Variants in CHM observed in about 807,000 individuals in gnomAD.
The protein encoded by CHM is CHM Rab escort protein.
Under a neutral mutation model 49.0 loss-of-function variants are expected in CHM, and 10 were observed. The observed-to-expected ratio is 0.20, with a 90% confidence interval of 0.13 to 0.35. The LOEUF (loss-of-function observed/expected upper bound fraction) is 0.35. Among genes scored for constraint, CHM ranks in the 10% least tolerant of loss-of-function variants. CHM has a pLI of 1.00. For missense variants in CHM, 455 were observed against 478.4 expected, an observed-to-expected ratio of 0.95 and a Z score of 0.46; for synonymous variants, 184 against 167.5, an observed-to-expected ratio of 1.10 and a Z score of -0.76.
chrX:85,896,573 G>A (rs1207739009), intron 11 of CHM, among the ~76,000 whole-genome samples: 2 of 109,554 alleles, frequency 1.8e-5, no homozygotes, highest in African/African-American at 6.7e-5. Context: ...ACACTCCTGG[G>A]AGATACAGAA....
intron 8 of CHM, among the ~76,000 whole-genome samples, chrX:85,934,362 G>C (rs754798972): frequency 1.0e-5 from 1 of 98,985 alleles, no homozygotes; most frequent in Non-Finnish European, 2.0e-5. Flanking sequence ...TGCCATGGTG[G>C]TGTGCTGCAT....
intron 2 of CHM, among the ~76,000 whole-genome samples, chrX:86,000,313 T>C (rs1932642842): frequency 9.4e-6 from 1 of 106,377 alleles, no homozygotes; most frequent in African/African-American, 3.4e-5. Flanking sequence ...TTCCTTACTG[T>C]AACATTCAGT....
At chrX:85,978,483 A>G (rs1308039350) in intron 4 of CHM, among the ~76,000 whole-genome samples, 1 of 111,847 alleles carries the variant, frequency 8.9e-6, no homozygotes, top group Non-Finnish European at 1.9e-5. Context: ...AAAAAATCCA[A>G]CTATTAATAC....
intron 2 of CHM, among the ~76,000 whole-genome samples, chrX:86,022,079 G>T (rs919584981): frequency 1.8e-5 from 2 of 111,868 alleles, no homozygotes; most frequent in African/African-American, 3.2e-5. Context: ...TTTCAGTTCT[G>T]CAAGATCAAA....
chrX:86,027,572 A>G lies in CHM; in HGVS notation c.50-15T>C, dbSNP rs985742134. 3.4e-6 allele frequency: 4 copies of G among 1,178,498 alleles called. No individual in the cohort carries two copies. Among genetic ancestry groups the G allele is most frequent in the African/African-American group, 1.8e-5 (1 of 56,469 alleles). On this transcript the variant is annotated splice_polypyrimidine_tract_variant and intron_variant, in intron 1 of 14. Coordinates refer to ENST00000357749, the MANE Select transcript of CHM (RefSeq NM_000390.4). ...TTCAGGCAAACCTACAAAAACACACACCCGTATCATTTAGAATGTAGAAAT... is the reference window on the plus strand; with the variant it reads ...TTCAGGCAAACCTACAAAAACACACGCCCGTATCATTTAGAATGTAGAAAT...
intron 8 of CHM, among the ~76,000 whole-genome samples, chrX:85,950,695 A>C (rs1929698517): frequency 8.9e-6 from 1 of 111,940 alleles, no homozygotes; most frequent in South Asian, 3.7e-4. Context: ...TTACAGACAG[A>C]AAAAGCACAA....
At chrX:85,925,879 C>A (rs1000230722) in intron 8 of CHM, among the ~76,000 whole-genome samples, 2 of 111,268 alleles carry the variant, frequency 1.8e-5, no homozygotes, top group Non-Finnish European at 3.8e-5. Context: ...GGGAGCCCTA[C>A]ATAACAACTC....
intron 2 of CHM, among the ~76,000 whole-genome samples, chrX:86,007,331 A>G (rs1489879748): frequency 4.5e-5 from 5 of 112,161 alleles, no homozygotes; most frequent in Non-Finnish European, 9.4e-5. Context: ...AGGCAATACC[A>G]TTCAAGACAT....
intron 2 of CHM, among the ~76,000 whole-genome samples, chrX:85,988,254 A>T (rs868265724): frequency 8.9e-6 from 1 of 112,225 alleles, no homozygotes; most frequent in Non-Finnish European, 1.9e-5. Context: ...TGAAGACAAA[A>T]ACCATGTTTA....
rs1426228190 is a variant in CHM at position 85,913,334 on chromosome X, AAG to A, written c.1167-1998_1167-1997del. On this transcript the variant is annotated intron_variant, in intron 8 of 14. Coordinates refer to ENST00000357749, the MANE Select transcript of CHM (RefSeq NM_000390.4). ...CTGTCAAAAAAAAAAAAAAAAAAAA[AAG>A]AAAGAAAGAAAGAAAGAAAGAAAGA... Among the ~76,000 whole-genome samples the A allele has an allele frequency of 1.7e-3, 101 of 60,245 alleles. 1 individual carries two copies. Among genetic ancestry groups the A allele is most frequent in the African/African-American group, 3.6e-3 (61 of 16,959 alleles). 52.3% of individuals were successfully genotyped at this position (60,245 alleles called of 115,157 possible). A position where few individuals can be genotyped will look rare whatever the true frequency, so the allele number is the denominator to read the frequency against.
intron 3 of CHM, among the ~76,000 whole-genome samples, chrX:85,980,015 C>A (rs1007182198): frequency 1.8e-5 from 2 of 111,295 alleles, no homozygotes; most frequent in Non-Finnish European, 3.8e-5. Context: ...AATGGAGAGA[C>A]AAAGACAGTG....
chrX:85,969,800 C>A (rs2147687416), intron 4 of CHM: 1 of 112,021 alleles, frequency 8.9e-6, no homozygotes, highest in South Asian at 3.7e-4. Flanking sequence ...TAAATCCTGT[C>A]ATTTGTGACA....
At chrX:86,031,559 C>T (rs975033277) in intron 1 of CHM, among the ~76,000 whole-genome samples, 1 of 112,127 alleles carries the variant, frequency 8.9e-6, no homozygotes, top group Non-Finnish European at 1.9e-5. Context: ...AATTATTTAG[C>T]GCTGGGCACG....
chrX:85,873,108 C>A lies in CHM; in HGVS notation c.1714G>T (p.Val572Phe). ...CAATCTGGGCCAGAGCAGACATAAACGTTGGATGGTAAATCATTATAACAG... is the reference window on the plus strand; with the variant it reads ...CAATCTGGGCCAGAGCAGACATAAAAGTTGGATGGTAAATCATTATAACAG... The part of the protein sequence containing the change: ...RSCYNDLPSN[V>F]YVCSGPDCGL... The change falls in exon 14 of 15, where the codon GTT (valine) becomes TTT (phenylalanine). Residue 572 changes from valine (V) to phenylalanine (F), a missense_variant. Physicochemically the swap from Val to Phe is conservative, Grantham distance 50. Transcript: ENST00000357749. The A allele has an allele frequency of 8.3e-7, 1 of 1,207,384 alleles. No homozygotes were observed. The highest frequency in any genetic ancestry group is 1.1e-6 in the Non-Finnish European group (1 of 892,351).
rs1033380 is a variant in CHM at position 85,930,444 on chromosome X, T to A, written c.1167-19106A>T. 8.9e-3 allele frequency among the ~76,000 whole-genome samples: 995 copies of A among 112,265 alleles called. 15 individuals are homozygous for A. Among genetic ancestry groups the A allele is most frequent in the African/African-American group, 0.03 (938 of 30,943 alleles). On this transcript the variant is annotated intron_variant, in intron 8 of 14. Transcript: ENST00000357749. ...CAAGTCCCCAAGGTCAAAGTTCCTA[T>A]TTAAATTTCTTTTACAGTTTTGTTT...
At chrX:86,046,482 G>C (rs1407669295) in intron 1 of CHM, among the ~76,000 whole-genome samples, 1 of 111,988 alleles carries the variant, frequency 8.9e-6, no homozygotes, top group African/African-American at 3.3e-5. Flanking sequence ...CTCCCAACCT[G>C]AAAACATGGC....
At chrX:86,006,022 C>G (rs1932844534) in intron 2 of CHM, among the ~76,000 whole-genome samples, 1 of 111,695 alleles carries the variant, frequency 9.0e-6, no homozygotes, top group Admixed American at 9.5e-5. Context: ...CAATAAAATA[C>G]TGGGAAACCG....
intron 8 of CHM, among the ~76,000 whole-genome samples, chrX:85,929,935 C>G (rs1055596755): frequency 2.7e-5 from 3 of 109,255 alleles, no homozygotes; most frequent in African/African-American, 1.0e-4. Context: ...AACGCTGTCT[C>G]TACTAATAAT....
chrX:85,976,178 G>C (rs959172300), intron 4 of CHM, among the ~76,000 whole-genome samples: 20 of 111,805 alleles, frequency 1.8e-4, no homozygotes, highest in African/African-American at 6.2e-4. Context: ...GTGATCATCA[G>C]CTGTTACACT....
Sources: allele counts gnomAD v4.1 joint callset (sites outside exome capture counted in the v4.1 genomes callset), GRCh38; gene constraint gnomAD v4.1.1; transcripts MANE v1.5; gene names NCBI Gene and HGNC (gene_info 2026-07-23, HGNC 2026-07-21).